RBFOX1: variants seen among roughly 807,000 people sequenced by gnomAD.
The protein encoded by RBFOX1 is RNA binding protein fox-1 homolog 1.
In RBFOX1, 8 loss-of-function variants were observed where a neutral mutation model predicts 57.7. The observed-to-expected ratio is 0.14, with a 90% confidence interval of 0.08 to 0.25. The LOEUF (loss-of-function observed/expected upper bound fraction) is 0.25. Among genes scored for constraint, RBFOX1 ranks in the 10% least tolerant of loss-of-function variants. RBFOX1 has a pLI of 1.00. For synonymous variants in RBFOX1, 326 were observed against 222.4 expected, an observed-to-expected ratio of 1.47 and a Z score of -4.15; for missense variants, 611 against 548.5, an observed-to-expected ratio of 1.11 and a Z score of -1.14.
chr16:6,919,515 C>T (rs1375144845), intron 3 of RBFOX1, among the ~76,000 whole-genome samples: 3 of 151,914 alleles, frequency 2.0e-5, no homozygotes, highest in African/African-American at 7.2e-5. Context: ...GGATTTGAAC[C>T]ATGAAATCCC....
intron 3 of RBFOX1, among the ~76,000 whole-genome samples, chr16:7,030,994 C>G (rs893823126): frequency 1.3e-5 from 2 of 152,146 alleles, no homozygotes; most frequent in African/African-American, 4.8e-5. Context: ...CAGAATGATC[C>G]TGCAGAAAGA....
chr16:6,698,511 C>A (rs150420349), intron 3 of RBFOX1, among the ~76,000 whole-genome samples: 364 of 152,256 alleles, frequency 2.4e-3, no homozygotes, highest in Non-Finnish European at 3.5e-3. Flanking sequence ...TCCCCATGAG[C>A]GCTTAACTCT....
In RBFOX1 at chr16:7,711,317, A is replaced by C. The variant is rs1029207054; in HGVS notation, c.*572A>C. ...GTTCTAAGTTACTCATTGCCAGTTC[A>C]AGCCAAAGGTCATGTTGTTAAGGGG... On this transcript the variant is annotated 3_prime_UTR_variant, in exon 16 of 16. Transcript: ENST00000550418. 5 of 152,590 alleles carry C rather than the reference A, an allele frequency of 3.3e-5. No individual in the cohort carries two copies. The highest frequency in any genetic ancestry group is 1.2e-4 in the African/African-American group (5 of 41,452). The allele number at this position is 152,590 out of a possible 1,614,324, so 9.5% of individuals were successfully genotyped here.
intron 2 of RBFOX1, among the ~76,000 whole-genome samples, chr16:6,468,426 T>G (rs1232594536): frequency 6.6e-6 from 1 of 152,158 alleles, no homozygotes; most frequent in Admixed American, 6.5e-5. Flanking sequence ...TTGTAAAGAA[T>G]ACAATTATAG....
intron 2 of RBFOX1, among the ~76,000 whole-genome samples, chr16:6,645,980 G>A (rs185083612): frequency 6.6e-5 from 10 of 152,208 alleles, no homozygotes; most frequent in Admixed American, 1.3e-4. Flanking sequence ...CCCATCTGTC[G>A]CCAGCAAGTG....
chr16:6,900,794 C>A (rs970041305), intron 3 of RBFOX1, among the ~76,000 whole-genome samples: 1 of 152,198 alleles, frequency 6.6e-6, no homozygotes, highest in African/African-American at 2.4e-5. Context: ...TCACAGCACA[C>A]AATGCCATTC....
chr16:5,930,757 C>T lies in RBFOX1; in HGVS notation c.351+63422C>T, dbSNP rs1479749219. On this transcript the variant is annotated intron_variant, in intron 4 of 19. Transcript: ENST00000641259. The stretch of plus-strand genomic sequence containing the variant: ...GGGCAGGTGGGAGGGTGGATGGATG[C>T]ATGGATGGATGCATGGTTGGGTGGG... 1.5e-4 allele frequency among the ~76,000 whole-genome samples: 7 copies of T among 45,398 alleles called. No individual in the cohort carries two copies. In the East Asian group the frequency reaches 5.5e-3, roughly 36 times the overall value. 29.8% of individuals were successfully genotyped at this position (45,398 alleles called of 152,430 possible). A position where few individuals can be genotyped will look rare whatever the true frequency, so the allele number is the denominator to read the frequency against.
rs565858554 is a variant in RBFOX1, at chr16:5,749,505, A to G, written c.319-117798A>G. Among the ~76,000 whole-genome samples, 42 of 152,254 alleles carry G rather than the reference A, an allele frequency of 2.8e-4. No homozygotes were observed. In the South Asian group the frequency reaches 7.9e-3, roughly 29 times the overall value. ...CTCCCTGTCACTTTCAGGTACACCA[A>G]TCAGATGTAGATTTGGTCTTTTCAC... is the stretch of plus-strand genomic sequence containing the variant. On this transcript the variant is annotated intron_variant, in intron 3 of 19. Transcript: ENST00000641259.
intron 4 of RBFOX1, among the ~76,000 whole-genome samples, chr16:7,124,584 T>G (rs1186050667): frequency 7.4e-6 from 1 of 135,518 alleles, no homozygotes; most frequent in Admixed American, 7.8e-5. Context: ...CCTTCCTTCC[T>G]GTAATAAGTT....
chr16:5,683,344 G>C (rs933673682), intron 3 of RBFOX1, among the ~76,000 whole-genome samples: 3 of 152,086 alleles, frequency 2.0e-5, no homozygotes, highest in African/African-American at 7.2e-5. Context: ...CACTGCTTTT[G>C]ATTGGCTGTT....
intron 3 of RBFOX1, among the ~76,000 whole-genome samples, chr16:5,858,350 G>A (rs1272999277): frequency 6.6e-6 from 1 of 152,146 alleles, no homozygotes; most frequent in Non-Finnish European, 1.5e-5. Context: ...TCTACCATGT[G>A]TCAGGGTGAC....
At chr16:5,525,952 G>A (rs2044227749) in intron 2 of RBFOX1, among the ~76,000 whole-genome samples, 1 of 150,952 alleles carries the variant, frequency 6.6e-6, no homozygotes, top group Non-Finnish European at 1.5e-5. Flanking sequence ...ATCATGTGAA[G>A]CTACTTAGCA....
intron 3 of RBFOX1, among the ~76,000 whole-genome samples, chr16:7,048,029 C>T (rs1179991417): frequency 1.3e-5 from 2 of 151,586 alleles, no homozygotes; most frequent in Non-Finnish European, 2.9e-5. Context: ...AAGGTGCCTG[C>T]CACAACGCCT....
chr16:6,551,380 T>C (rs2096986618), intron 2 of RBFOX1, among the ~76,000 whole-genome samples: 1 of 152,178 alleles, frequency 6.6e-6, no homozygotes. Flanking sequence ...TGTGCCTAAA[T>C]TTTCCTGCCT....
At chr16:6,492,049 G>C (rs1290491234) in intron 2 of RBFOX1, among the ~76,000 whole-genome samples, 1 of 152,104 alleles carries the variant, frequency 6.6e-6, no homozygotes, top group Non-Finnish European at 1.5e-5. Flanking sequence ...TAGTAATGGA[G>C]AAGACAAATT....
At chr16:6,282,891 A>G (rs961628767) in intron 1 of RBFOX1, among the ~76,000 whole-genome samples, 4 of 152,154 alleles carry the variant, frequency 2.6e-5, no homozygotes, top group Non-Finnish European at 1.5e-5. Flanking sequence ...CTTTGCATCT[A>G]TTGTCTCATT....
At chr16:7,155,712 A>AAATATATATATAT (rs1195367029) in intron 4 of RBFOX1, among the ~76,000 whole-genome samples, 2 of 77,418 alleles carry the variant, frequency 2.6e-5, no homozygotes, top group African/African-American at 1.3e-4. Context: ...AAAAAAAAAA[A>AAATATATATATAT]ATATATATAT....
intron 4 of RBFOX1, among the ~76,000 whole-genome samples, chr16:7,329,060 G>A (rs1393791188): frequency 5.3e-5 from 8 of 152,118 alleles, no homozygotes. Context: ...ATCCTTCTTT[G>A]GTGTATTGTC....
At chr16:6,702,726 T>C (rs1603444589) in intron 3 of RBFOX1, among the ~76,000 whole-genome samples, 1 of 152,326 alleles carries the variant, frequency 6.6e-6, no homozygotes, top group East Asian at 1.9e-4. Flanking sequence ...GTTTTTGTTT[T>C]AGTCTTTAGA....
Sources: allele counts gnomAD v4.1 joint callset (sites outside exome capture counted in the v4.1 genomes callset), GRCh38; gene constraint gnomAD v4.1.1; transcripts MANE v1.5; gene names NCBI Gene and HGNC (gene_info 2026-07-23, HGNC 2026-07-21).